Variants in SHANK2 observed in about 807,000 individuals in gnomAD.
SHANK2 encodes SH3 and multiple ankyrin repeat domains 2, also known as SH3 and multiple ankyrin repeat domains protein 2.
SHANK2 carries 43 observed loss-of-function variants against 133.7 expected under a neutral mutation model. The observed-to-expected ratio is 0.32, with a 90% CI of 0.25 to 0.41. The LOEUF (loss-of-function observed/expected upper bound fraction) is 0.41, where lower values mean the gene tolerates loss of function less well. Ranked by LOEUF, SHANK2 falls within the 10% of genes least tolerant of loss-of-function variation. The probability of loss-of-function intolerance (pLI) is 1.00; values close to 1 mark genes in which losing one functional copy is unlikely to be tolerated. For synonymous variants in SHANK2, 1,017 were observed against 952.8 expected (o/e 1.07, Z -1.24); for missense variants, 1,994 against 2,235.8 (o/e 0.89, Z 2.18).
chr11:70,763,411 T>C (rs1473684571), intron 14 of SHANK2, among the ~76,000 whole-genome samples: 2 of 151,928 alleles, frequency 1.3e-5, no homozygotes, highest in Non-Finnish European at 2.9e-5. Flanking sequence ...GCCCTGAGGA[T>C]TGGGTGAGTG....
At chr11:70,734,675 C>T (rs1264666319) in intron 14 of SHANK2, among the ~76,000 whole-genome samples, 1 of 152,222 alleles carries the variant, frequency 6.6e-6, no homozygotes, top group African/African-American at 2.4e-5. Flanking sequence ...AGGCTTTCAG[C>T]AGGGGCCCCA....
At chr11:70,610,313 C>T (rs193048956) in intron 17 of SHANK2, among the ~76,000 whole-genome samples, 35 of 152,170 alleles carry the variant, frequency 2.3e-4, no homozygotes, top group Non-Finnish European at 4.9e-4. Context: ...TAATACGAGG[C>T]GTGCAAACTC....
At chr11:70,498,654 C>G (rs782601726) in intron 21 of SHANK2, among the ~76,000 whole-genome samples, 4 of 152,192 alleles carry the variant, frequency 2.6e-5, no homozygotes, top group Non-Finnish European at 4.4e-5. Context: ...AACCTGGGAT[C>G]ACTAAGCAGG....
At position 70,593,836 on chromosome 11, in the gene SHANK2, C is replaced by T. The variant is rs113617939; in HGVS notation, c.2061+65992G>A. On this transcript the variant is annotated intron_variant, in intron 17 of 25. Transcript: ENST00000601538. ...GTTATCATTAGTTCCTTCGTTCGTT[C>T]GTTCATTCATTCATTCATTCATTCA... Among the ~76,000 whole-genome samples, 46 of 152,296 alleles carry T rather than the reference C, an allele frequency of 3.0e-4. No individual in the cohort carries two copies. The East Asian group carries it at 4.2e-3, about 14-fold the overall frequency.
intron 14 of SHANK2, among the ~76,000 whole-genome samples, chr11:70,781,558 T>A (rs1322104757): frequency 3.5e-5 from 1 of 28,970 alleles, no homozygotes; most frequent in Non-Finnish European, 6.5e-5. Context: ...TACTTACTTA[T>A]TATATATATA....
At chr11:71,152,608 C>T (rs1438844164) in intron 2 of SHANK2, among the ~76,000 whole-genome samples, 1 of 152,202 alleles carries the variant, frequency 6.6e-6, no homozygotes, top group Non-Finnish European at 1.5e-5. Flanking sequence ...GGTACCGGCT[C>T]TGGGGGTGAT....
chr11:71,208,321 G>T (rs375850881), intron 2 of SHANK2, among the ~76,000 whole-genome samples: 5,282 of 152,132 alleles, frequency 0.035, 112 homozygotes, highest in Middle Eastern at 0.037. Context: ...AGATGGGGAA[G>T]TTGGGGGGAG....
Position 70,818,852 on chromosome 11 carries a change from C to T in SHANK2, c.1493+1512G>A, listed in dbSNP as rs1948458505. Among the ~76,000 whole-genome samples, 9 of 152,348 alleles carry T rather than the reference C, an allele frequency of 5.9e-5. No individual in the cohort carries two copies. In the South Asian group the frequency reaches 1.9e-3, roughly 32 times the overall value. ...TCCCCACAAACTCCTTGGCTGTGGC[C>T]CCAAAGCCTGGGCTGCTGGTCATAG... On this transcript the variant is annotated intron_variant, in intron 12 of 25. Transcript: ENST00000601538.
chr11:71,200,089 C>T (rs1953988050), intron 2 of SHANK2, among the ~76,000 whole-genome samples: 1 of 152,198 alleles, frequency 6.6e-6, no homozygotes, highest in South Asian at 2.1e-4. Context: ...TCAGGACATT[C>T]TCAGCACCCC....
Position 70,691,738 on chromosome 11 carries a change from A to G in SHANK2, c.1853+6950T>C, listed in dbSNP as rs181712137. On this transcript the variant is annotated intron_variant, in intron 15 of 25. Transcript: ENST00000601538. Reference sequence around the variant, plus strand: ...GAAACCCCGTCTCTACTAAAAATACAAAATAATTAGCCAGGCATGGTGGCA... The same window carrying G: ...GAAACCCCGTCTCTACTAAAAATACGAAATAATTAGCCAGGCATGGTGGCA... Among the ~76,000 whole-genome samples the G allele has an allele frequency of 4.5e-3, 685 of 152,282 alleles. 2 individuals are homozygous for G. Among genetic ancestry groups the G allele is most frequent in the Non-Finnish European group, 5.6e-3 (379 of 68,020 alleles).
intron 14 of SHANK2, among the ~76,000 whole-genome samples, chr11:70,720,227 TGTAGA>T (rs1474357251): frequency 1.5e-4 from 23 of 152,288 alleles, no homozygotes; most frequent in African/African-American, 5.3e-4. Flanking sequence ...GCTTATAAAC[TGTAGA>T]GTACTGTACA....
chr11:70,927,426 C>T (rs4074929), intron 10 of SHANK2, among the ~76,000 whole-genome samples: 33,287 of 151,894 alleles, frequency 0.22, 4,395 homozygotes, highest in Non-Finnish European at 0.3. Context: ...GGAGACTCAG[C>T]TTGTTCTATG....
At chr11:70,750,109 G>T (rs1354037800) in intron 14 of SHANK2, among the ~76,000 whole-genome samples, 1 of 152,208 alleles carries the variant, frequency 6.6e-6, no homozygotes, top group African/African-American at 2.4e-5. Context: ...GAAAAATAAA[G>T]AGTAGCAGGC....
At chr11:71,179,122 G>A (rs782303949) in intron 2 of SHANK2, among the ~76,000 whole-genome samples, 13 of 152,078 alleles carry the variant, frequency 8.5e-5, no homozygotes, top group East Asian at 1.9e-4. Context: ...ATATTACCCC[G>A]ATACGAAAAA....
At chr11:70,542,994 A>G (rs2059641858) in intron 17 of SHANK2, among the ~76,000 whole-genome samples, 1 of 152,188 alleles carries the variant, frequency 6.6e-6, no homozygotes, top group Non-Finnish European at 1.5e-5. Flanking sequence ...GAACAGAGCA[A>G]GCAGGCGGGT....
At chr11:70,549,759 T>G (rs1469314355) in intron 17 of SHANK2, among the ~76,000 whole-genome samples, 1 of 152,194 alleles carries the variant, frequency 6.6e-6, no homozygotes, top group Non-Finnish European at 1.5e-5. Flanking sequence ...AGGTGAGACC[T>G]TTTCCACAGA....
intron 13 of SHANK2, 139 bp downstream of exon 13, chr11:70,806,863 G>A (rs1948173531): frequency 1.7e-6 from 1 of 598,410 alleles, no homozygotes; most frequent in South Asian, 2.1e-5. Context: ...ACGTCACTCT[G>A]TTCCCCATTC....
Position 70,487,891 on chromosome 11 carries a change from C to T in SHANK2, c.2573-171G>A, listed in dbSNP as rs533353713. Among the ~76,000 whole-genome samples, 167 of 152,312 alleles carry T rather than the reference C, an allele frequency of 1.1e-3. 5 individuals carry two copies. The highest frequency in any genetic ancestry group is 0.01 in the Admixed American group (159 of 15,304). On this transcript the variant is annotated intron_variant, in intron 24 of 25. Transcript: ENST00000601538. The surrounding 1 kb of genome is among the most constrained non-coding windows in gnomAD (Gnocchi z 5.8). The stretch of plus-strand genomic sequence containing the variant: ...CCGAGTGGTTAGTCACATGGCCCGT[C>T]GTGAGCCAAAGGACAAGAAAGGGAA...
intron 9 of SHANK2, among the ~76,000 whole-genome samples, chr11:71,060,648 T>C (rs932268481): frequency 0.052 from 7,944 of 152,308 alleles, 706 homozygotes; most frequent in African/African-American, 0.18. Context: ...CAGATGCCCA[T>C]GGAGCTGTCA....
Sources: allele counts gnomAD v4.1 joint callset (sites outside exome capture counted in the v4.1 genomes callset), GRCh38; gene constraint gnomAD v4.1.1; non-coding constraint Gnocchi (gnomAD v3.1); transcripts MANE v1.5; gene names NCBI Gene and HGNC (gene_info 2026-07-23, HGNC 2026-07-21).